Variants in XKR9 observed in about 807,000 individuals in gnomAD.
XKR9 encodes XK related 9.
Under a neutral mutation model 32.0 loss-of-function variants are expected in XKR9, and 32 were observed. The observed-to-expected ratio is 1.00, with a 90% CI of 0.76 to 1.34. XKR9 has a LOEUF of 1.34. Ranked by LOEUF, XKR9 falls within the 40% of genes most tolerant of loss-of-function variation. XKR9 has a pLI of 0.00. For synonymous variants in XKR9, 168 were observed against 143.4 expected (o/e 1.17, Z -1.22); for missense variants, 546 against 429.7 (o/e 1.27, Z -2.39).
the XKR9 span, among the ~76,000 whole-genome samples, chr8:70,986,877 T>A: frequency 3.9e-5 from 6 of 152,196 alleles, no homozygotes; most frequent in Non-Finnish European, 7.3e-5. Context: ...TAATTGGACT[T>A]ACAGTTCCAC....
At chr8:71,019,119 T>C in the XKR9 span, among the ~76,000 whole-genome samples, 4 of 152,124 alleles carry the variant, frequency 2.6e-5, no homozygotes, top group African/African-American at 9.7e-5. Context: ...AAGGGGGAAA[T>C]ACCTTCTTTC....
At chr8:71,015,608 C>A in the XKR9 span, among the ~76,000 whole-genome samples, 2 of 152,290 alleles carry the variant, frequency 1.3e-5, no homozygotes, top group South Asian at 4.1e-4. Context: ...GAAAGCCCAG[C>A]AGACTTATGG....
intron 2 of XKR9, among the ~76,000 whole-genome samples, chr8:70,751,020 G>A (rs993247817): frequency 6.6e-6 from 1 of 152,188 alleles, no homozygotes; most frequent in East Asian, 1.9e-4. Flanking sequence ...TCTACCTCAA[G>A]GAAGAGAGAA....
At chr8:70,823,363 C>A in the XKR9 span, among the ~76,000 whole-genome samples, 11 of 152,154 alleles carry the variant, frequency 7.2e-5, no homozygotes, top group Non-Finnish European at 1.6e-4. Flanking sequence ...ATCACACCAC[C>A]ACAGCTCTTA....
downstream of XKR9, among the ~76,000 whole-genome samples, chr8:70,739,287 C>T (rs1478358522): frequency 6.6e-6 from 1 of 152,116 alleles, no homozygotes; most frequent in Non-Finnish European, 1.5e-5. Context: ...ACTATGATTG[C>T]AATCCCTGCC....
the XKR9 span, among the ~76,000 whole-genome samples, chr8:70,887,310 G>A: frequency 1.5e-3 from 221 of 152,278 alleles, 1 homozygote; most frequent in African/African-American, 5.1e-3. Flanking sequence ...GTACTGTGCT[G>A]TTTTGGTTAC....
chr8:70,834,560 T>C, the XKR9 span, among the ~76,000 whole-genome samples: 1 of 152,196 alleles, frequency 6.6e-6, no homozygotes, highest in African/African-American at 2.4e-5. Flanking sequence ...TTCCTGTTTT[T>C]ATTCAAAAAT....
At chr8:71,022,028 G>A in the XKR9 span, among the ~76,000 whole-genome samples, 1 of 152,142 alleles carries the variant, frequency 6.6e-6, no homozygotes. Flanking sequence ...AAAAGTAGAG[G>A]TCCATTTCCA....
the XKR9 span, among the ~76,000 whole-genome samples, chr8:71,060,120 G>A: frequency 1.3e-5 from 2 of 152,082 alleles, no homozygotes; most frequent in African/African-American, 2.4e-5. Context: ...TAAATCATTC[G>A]CTCCATGACT....
chr8:71,035,601 A>C, the XKR9 span, among the ~76,000 whole-genome samples: 1 of 152,208 alleles, frequency 6.6e-6, no homozygotes, highest in African/African-American at 2.4e-5. Context: ...TGAATTGAGC[A>C]CATCTATCCT....
chr8:70,736,853 C>G (rs1236163018), downstream of XKR9, among the ~76,000 whole-genome samples: 4 of 151,368 alleles, frequency 2.6e-5, no homozygotes, highest in African/African-American at 9.7e-5. Context: ...CAGTACCATG[C>G]TGTTTTGGTT....
chr8:70,770,376 T>C (rs1807437491), intron 2 of XKR9, among the ~76,000 whole-genome samples: 1 of 152,172 alleles, frequency 6.6e-6, no homozygotes. Flanking sequence ...GAGGTGTCTG[T>C]CGACCCCTGC....
intron 3 of XKR9, among the ~76,000 whole-genome samples, chr8:70,693,005 G>A (rs1805135282): frequency 6.6e-6 from 1 of 152,180 alleles, no homozygotes; most frequent in African/African-American, 2.4e-5. Context: ...TGTGGTTTTT[G>A]TCTTTAGTTC....
At chr8:70,976,429 G>A in the XKR9 span, among the ~76,000 whole-genome samples, 1 of 152,178 alleles carries the variant, frequency 6.6e-6, no homozygotes, top group Non-Finnish European at 1.5e-5. Context: ...AGCATGAAGG[G>A]CTGTTGAATT....
intron 2 of XKR9, among the ~76,000 whole-genome samples, chr8:70,746,292 C>G (rs1807058080): frequency 1.3e-5 from 2 of 148,632 alleles, no homozygotes; most frequent in Non-Finnish European, 3.0e-5. Context: ...GGTTCTCATT[C>G]TTTAGTGTGC....
chr8:70,924,524 A>G, the XKR9 span, among the ~76,000 whole-genome samples: 1 of 152,134 alleles, frequency 6.6e-6, no homozygotes, highest in Admixed American at 6.5e-5. Context: ...TACTACTGAG[A>G]CTTACTGAGT....
chr8:70,958,435 G>A, the XKR9 span, among the ~76,000 whole-genome samples: 1 of 152,094 alleles, frequency 6.6e-6, no homozygotes. Context: ...GTTCTGATTT[G>A]CATTTCTCTA....
At chr8:70,913,018 C>G in the XKR9 span, among the ~76,000 whole-genome samples, 1 of 152,082 alleles carries the variant, frequency 6.6e-6, no homozygotes, top group African/African-American at 2.4e-5. Context: ...ATGAAAAAAA[C>G]TAACAGTTCA....
At chr8:70,837,818 G>A in the XKR9 span, among the ~76,000 whole-genome samples, 1 of 152,014 alleles carries the variant, frequency 6.6e-6, no homozygotes, top group Non-Finnish European at 1.5e-5. Context: ...CCTTCTCTCT[G>A]TTTCTATACT....
Sources: allele counts gnomAD v4.1 joint callset (sites outside exome capture counted in the v4.1 genomes callset), GRCh38; gene constraint gnomAD v4.1.1; transcripts MANE v1.5; gene names NCBI Gene and HGNC (gene_info 2026-07-23, HGNC 2026-07-21).